The following DPP10 variants were observed in gnomAD, a reference collection of about 807,000 sequenced individuals.
DPP10 encodes the protein inactive dipeptidyl peptidase 10.
Under a neutral mutation model 120.9 loss-of-function variants are expected in DPP10, and 33 were observed. The observed-to-expected ratio is 0.27, with a 90% CI of 0.21 to 0.37. DPP10 has a LOEUF of 0.37. Among genes scored for constraint, DPP10 ranks in the 10% least tolerant of loss-of-function variants. The probability of loss-of-function intolerance (pLI) is 1.00; values close to 1 mark genes in which losing one functional copy is unlikely to be tolerated. For synonymous variants in DPP10, 337 were observed against 326.1 expected (o/e 1.03, Z -0.36); for missense variants, 816 against 942.8 (o/e 0.87, Z 1.76).
chr2:115,088,750 C>CAAAAAAAAAAAAAAAAAAAAA (rs70941027), intron 1 of DPP10, among the ~76,000 whole-genome samples: 1 of 65,040 alleles, frequency 1.5e-5, no homozygotes, highest in Non-Finnish European at 2.8e-5. Context: ...CTGTGCCTGA[C>CAAAAAAAAAAAAAAAAAAAAA]AAAAAAAAAA....
intron 1 of DPP10, among the ~76,000 whole-genome samples, chr2:114,450,802 C>T (rs192242248): frequency 6.6e-6 from 1 of 151,884 alleles, no homozygotes; most frequent in African/African-American, 2.4e-5. Context: ...ACAGAGACAA[C>T]CCCTGTTGTT....
intron 7 of DPP10, among the ~76,000 whole-genome samples, chr2:115,701,220 A>G (rs2091874774): frequency 6.6e-6 from 1 of 152,172 alleles, no homozygotes; most frequent in African/African-American, 2.4e-5. Flanking sequence ...ATAGTGTGAC[A>G]TAAATTAACT....
intron 8 of DPP10, among the ~76,000 whole-genome samples, chr2:115,735,374 A>C (rs906227975): frequency 1.3e-5 from 2 of 152,126 alleles, no homozygotes; most frequent in African/African-American, 4.8e-5. Context: ...AAAACTTATT[A>C]TGTGATCTTA....
chr2:115,366,056 A>G (rs933555410), intron 3 of DPP10, among the ~76,000 whole-genome samples: 1 of 152,050 alleles, frequency 6.6e-6, no homozygotes, highest in African/African-American at 2.4e-5. Context: ...GGACACCATC[A>G]GTGGTTGGCA....
chr2:115,020,049 C>A (rs1310850000), intron 1 of DPP10, among the ~76,000 whole-genome samples: 1 of 152,116 alleles, frequency 6.6e-6, no homozygotes, highest in Non-Finnish European at 1.5e-5. Context: ...CAAAATAGAA[C>A]CTCTTTAAAG....
At chr2:115,834,955 G>A (rs952069548) in intron 21 of DPP10, among the ~76,000 whole-genome samples, 3 of 152,114 alleles carry the variant, frequency 2.0e-5, no homozygotes, top group South Asian at 2.1e-4. Flanking sequence ...GGCTGGTGGC[G>A]GGCGCCTGTG....
At chr2:114,874,322 G>T (rs1439940797) in intron 1 of DPP10, among the ~76,000 whole-genome samples, 2 of 152,216 alleles carry the variant, frequency 1.3e-5, no homozygotes, top group South Asian at 2.1e-4. Context: ...GGCCTTAAAA[G>T]GTATGTTTGA....
intron 1 of DPP10, among the ~76,000 whole-genome samples, chr2:114,619,233 GA>G (rs888715565): frequency 2.0e-5 from 3 of 151,754 alleles, no homozygotes; most frequent in Admixed American, 6.6e-5. Context: ...GACTTTTAAG[GA>G]AAAAAAGAAG....
intron 3 of DPP10, among the ~76,000 whole-genome samples, chr2:115,382,457 C>G (rs2066468913): frequency 8.5e-5 from 13 of 152,230 alleles, no homozygotes; most frequent in Admixed American, 8.5e-4. Context: ...CACCCACTGT[C>G]TGGCACTTCC....
chr2:115,309,206 A>G (rs1199453086), intron 1 of DPP10, 33 bp from the exon 2 acceptor site: 2 of 1,559,050 alleles, frequency 1.3e-6, no homozygotes, highest in Non-Finnish European at 1.8e-6. Flanking sequence ...TGGAGCATGA[A>G]TAATTACAAA....
At chr2:115,174,730 T>C (rs1402130860) in intron 1 of DPP10, among the ~76,000 whole-genome samples, 1 of 152,220 alleles carries the variant, frequency 6.6e-6, no homozygotes, top group African/African-American at 2.4e-5. Context: ...ATTCCCAAGC[T>C]CAGAAAAATT....
At chr2:115,322,796 T>C (rs997731080) in intron 2 of DPP10, among the ~76,000 whole-genome samples, 5 of 152,336 alleles carry the variant, frequency 3.3e-5, no homozygotes, top group African/African-American at 1.2e-4. Flanking sequence ...GTTATGTTTA[T>C]CGTATTTGTA....
At chr2:114,825,617 A>C (rs1248068286) in intron 1 of DPP10, among the ~76,000 whole-genome samples, 1 of 152,240 alleles carries the variant, frequency 6.6e-6, no homozygotes, top group African/African-American at 2.4e-5. Flanking sequence ...ATATGTGCAT[A>C]AAATAATGAT....
At chr2:115,038,690 T>TA (rs1704412204) in intron 1 of DPP10, among the ~76,000 whole-genome samples, 1 of 152,166 alleles carries the variant, frequency 6.6e-6, no homozygotes, top group Non-Finnish European at 1.5e-5. Flanking sequence ...TGAGTCTCCT[T>TA]AATTGTCACA....
At chr2:115,023,187 G>A (rs936230352) in intron 1 of DPP10, among the ~76,000 whole-genome samples, 3 of 152,068 alleles carry the variant, frequency 2.0e-5, no homozygotes, top group Non-Finnish European at 4.4e-5. Context: ...CACAGCAAAA[G>A]AAATAATCAG....
At chr2:114,763,952 T>G (rs1321526218) in intron 1 of DPP10, among the ~76,000 whole-genome samples, 1 of 152,212 alleles carries the variant, frequency 6.6e-6, no homozygotes, top group Non-Finnish European at 1.5e-5. Context: ...TCCAGAGTAC[T>G]CTTTCCTTTA....
intron 1 of DPP10, among the ~76,000 whole-genome samples, chr2:114,535,405 A>G (rs1235622628): frequency 6.6e-6 from 1 of 152,200 alleles, no homozygotes; most frequent in African/African-American, 2.4e-5. Context: ...AAATAAGGCC[A>G]TCTCTCTACC....
chr2:115,573,243 C>T (rs180848220), intron 5 of DPP10, among the ~76,000 whole-genome samples: 3 of 148,806 alleles, frequency 2.0e-5, no homozygotes, highest in Admixed American at 2.0e-4. Flanking sequence ...CCCTGCAGGA[C>T]ATACAGACTG....
At chr2:115,090,086 C>T (rs574967965) in intron 1 of DPP10, among the ~76,000 whole-genome samples, 7 of 151,414 alleles carry the variant, frequency 4.6e-5, no homozygotes, top group Admixed American at 2.0e-4. Context: ...ACTTTGTGAT[C>T]CACAATTATT....
Sources: gnomAD v4.1 joint callset for allele counts (sites outside exome capture counted in the v4.1 genomes callset) on GRCh38, gnomAD v4.1.1 for gene constraint, MANE v1.5 for transcripts, NCBI Gene and HGNC (gene_info 2026-07-23, HGNC 2026-07-21) for gene names.